The following OTOGL variants were observed in gnomAD, a reference collection of about 807,000 sequenced individuals.
OTOGL encodes otogelin-like protein.
In OTOGL, 285 loss-of-function variants were observed where a neutral mutation model predicts 318.5. That is an observed-to-expected ratio of 0.89 (90% CI 0.81 to 0.99). OTOGL has a LOEUF of 0.99. Ranked by LOEUF, OTOGL falls within the 50% of genes least tolerant of loss-of-function variation. The pLI is 0.00. For synonymous variants in OTOGL, 987 were observed against 936.5 expected (o/e 1.05, Z -0.99); for missense variants, 2,899 against 2,845.6 (o/e 1.02, Z -0.43).
chr12:80,268,166 C>T (rs1371244769), intron 22 of OTOGL, among the ~76,000 whole-genome samples: 2 of 152,060 alleles, frequency 1.3e-5, no homozygotes, highest in African/African-American at 2.4e-5. Context: ...CCTAACCTCC[C>T]CTTTTTAGTT....
intron 11 of OTOGL, among the ~76,000 whole-genome samples, chr12:80,240,964 A>G (rs1235656786): frequency 6.6e-6 from 1 of 152,086 alleles, no homozygotes; most frequent in African/African-American, 2.4e-5. Context: ...AAGAGTAGCT[A>G]AAGAAATTTT....
chr12:80,185,639 A>G (rs1377404788), intron 1 of OTOGL, among the ~76,000 whole-genome samples: 2 of 152,180 alleles, frequency 1.3e-5, no homozygotes, highest in African/African-American at 4.8e-5. Flanking sequence ...GTAAAAAGGG[A>G]TAATAATGGC....
At chr12:80,247,963 T>C (rs1278240520) in intron 11 of OTOGL, among the ~76,000 whole-genome samples, 5 of 100,736 alleles carry the variant, frequency 5.0e-5, no homozygotes, top group Non-Finnish European at 1.9e-5. Context: ...TAAAGTCTGT[T>C]TTATCAGAGA....
chr12:80,344,522 C>T (rs1402607851), intron 44 of OTOGL, among the ~76,000 whole-genome samples: 1 of 152,058 alleles, frequency 6.6e-6, no homozygotes, highest in African/African-American at 2.4e-5. Context: ...AGCCTTAATG[C>T]TTACTTAAAG....
chr12:80,256,489 C>A (rs776430702), intron 17 of OTOGL, 29 bp downstream of exon 17: 137 of 1,510,296 alleles, frequency 9.1e-5, no homozygotes, highest in Non-Finnish European at 1.1e-4. Flanking sequence ...GGTGTACTTT[C>A]TTTACATCAA....
chr12:80,339,065 G>T lies in OTOGL; in HGVS notation c.4861-10G>T. 5 of 1,579,312 alleles carry T rather than the reference G, an allele frequency of 3.2e-6. No individual in the cohort carries two copies. Among genetic ancestry groups the T allele is most frequent in the Non-Finnish European group, 4.3e-6 (5 of 1,153,192 alleles). ...AATATTTCTTAACAGGTGTATTTATGTTATTCTAGGTAGAAGTGGATTCCA... is the reference window on the plus strand; with the variant it reads ...AATATTTCTTAACAGGTGTATTTATTTTATTCTAGGTAGAAGTGGATTCCA... On this transcript the variant is annotated splice_polypyrimidine_tract_variant and intron_variant, in intron 42 of 58. Coordinates refer to ENST00000547103, the MANE Select transcript of OTOGL (RefSeq NM_001378609.3).
intron 52 of OTOGL, among the ~76,000 whole-genome samples, chr12:80,365,015 A>G (rs1359247136): frequency 6.6e-6 from 1 of 152,118 alleles, no homozygotes; most frequent in Non-Finnish European, 1.5e-5. Flanking sequence ...CACATTTACA[A>G]GGCTGTGGAG....
chr12:80,114,822 T>C (rs10735434), intron 1 of OTOGL, among the ~76,000 whole-genome samples: 97,430 of 151,482 alleles, frequency 0.64, 32,135 homozygotes, highest in African/African-American at 0.79. Flanking sequence ...CCTTTTCATT[T>C]TTTTTTCTCT....
At chr12:80,280,314 T>A (rs1884130575) in intron 26 of OTOGL, among the ~76,000 whole-genome samples, 1 of 46,398 alleles carries the variant, frequency 2.2e-5, no homozygotes, top group African/African-American at 4.5e-5. Flanking sequence ...GCCCCACTTG[T>A]CAATTTTTGT....
chr12:80,238,391 T>C (rs1426774226), intron 9 of OTOGL, among the ~76,000 whole-genome samples: 1 of 152,210 alleles, frequency 6.6e-6, no homozygotes, highest in African/African-American at 2.4e-5. Context: ...TTTTTTTGTG[T>C]GGACCCTGTC....
chr12:80,178,959 G>A (rs186606781), intron 1 of OTOGL, among the ~76,000 whole-genome samples: 232 of 152,270 alleles, frequency 1.5e-3, no homozygotes, highest in African/African-American at 5.3e-3. Context: ...GTAGAGAATC[G>A]GAATATAATA....
chr12:80,115,405 G>T (rs1007255178), intron 1 of OTOGL, among the ~76,000 whole-genome samples: 1 of 152,134 alleles, frequency 6.6e-6, no homozygotes, highest in East Asian at 1.9e-4. Flanking sequence ...GACCCTGTTT[G>T]CCTGGGTATC....
chr12:80,221,002 G>A (rs1301924689), intron 6 of OTOGL, among the ~76,000 whole-genome samples: 1 of 152,050 alleles, frequency 6.6e-6, no homozygotes, highest in African/African-American at 2.4e-5. Flanking sequence ...AAAAATACAA[G>A]ATGTAAAGAG....
At chr12:80,290,173 G>T (rs548318447) in intron 26 of OTOGL, among the ~76,000 whole-genome samples, 1 of 152,122 alleles carries the variant, frequency 6.6e-6, no homozygotes, top group Non-Finnish European at 1.5e-5. Context: ...CACTTCGTGG[G>T]TGAGGTGACA....
At chr12:80,269,790 A>G (rs1053112592) in intron 22 of OTOGL, among the ~76,000 whole-genome samples, 2 of 152,108 alleles carry the variant, frequency 1.3e-5, no homozygotes, top group African/African-American at 2.4e-5. Flanking sequence ...GTCACACTGC[A>G]TACATTATTT....
At chr12:80,342,214 T>G in intron 44 of OTOGL, 52 bp downstream of exon 44, 1 of 1,347,890 alleles carries the variant, frequency 7.4e-7, no homozygotes, top group Middle Eastern at 2.0e-4. Flanking sequence ...ATGTTGAGAG[T>G]AAAAGCCAAT....
At chr12:80,227,800 C>G (rs993266760) in intron 7 of OTOGL, among the ~76,000 whole-genome samples, 2 of 152,102 alleles carry the variant, frequency 1.3e-5, no homozygotes, top group African/African-American at 2.4e-5. Flanking sequence ...TTCTCTCTCT[C>G]ACGCTCCATC....
At chr12:80,228,316 C>T (rs1879059122) in intron 7 of OTOGL, among the ~76,000 whole-genome samples, 1 of 151,990 alleles carries the variant, frequency 6.6e-6, no homozygotes, top group African/African-American at 2.4e-5. Context: ...GTGGTACACG[C>T]CTATAGCCCC....
chr12:80,373,155 T>A (rs2138106110), intron 57 of OTOGL, among the ~76,000 whole-genome samples: 1 of 152,178 alleles, frequency 6.6e-6, no homozygotes, highest in East Asian at 1.9e-4. Context: ...ACAACAAAGT[T>A]CAGTTTAATA....
Sources: gnomAD v4.1 joint callset for allele counts (sites outside exome capture counted in the v4.1 genomes callset) on GRCh38, gnomAD v4.1.1 for gene constraint, MANE v1.5 for transcripts, NCBI Gene and HGNC (gene_info 2026-07-23, HGNC 2026-07-21) for gene names.